The following OPRM1 variants were observed in gnomAD, a reference collection of about 807,000 sequenced individuals.
The protein encoded by OPRM1 is opioid receptor mu 1, also known as mu-type opioid receptor.
A neutral mutation model predicts 31.8 loss-of-function variants in OPRM1; 27 were observed. The ratio of observed to expected loss-of-function variants is 0.85; its 90% CI spans 0.63 to 1.17. The LOEUF (loss-of-function observed/expected upper bound fraction) is 1.17. OPRM1 is among the 50% of genes most tolerant of loss of function. OPRM1 has a pLI of 0.00. For synonymous variants in OPRM1, 196 were observed against 189.9 expected (o/e 1.03, Z -0.26); for missense variants, 536 against 511.1 (o/e 1.05, Z -0.47).
chr6:154,194,861 T>C (rs1329223572), intron 3 of OPRM1, among the ~76,000 whole-genome samples: 1 of 152,164 alleles, frequency 6.6e-6, no homozygotes, highest in African/African-American at 2.4e-5. Flanking sequence ...ATCAATGCCA[T>C]TGATGCCAAT....
intron 3 of OPRM1, among the ~76,000 whole-genome samples, chr6:154,177,223 C>A (rs1314405020): frequency 1.3e-5 from 2 of 152,136 alleles, no homozygotes; most frequent in African/African-American, 2.4e-5. Context: ...AGGACATAGG[C>A]ATGGGCAAAG....
chr6:154,151,128 A>T (rs1456318908), intron 3 of OPRM1, among the ~76,000 whole-genome samples: 1 of 152,186 alleles, frequency 6.6e-6, no homozygotes, highest in Non-Finnish European at 1.5e-5. Context: ...TGGCTCTGCA[A>T]CCAAGGAGCG....
chr6:154,161,571 C>T (rs1799021677), intron 3 of OPRM1, among the ~76,000 whole-genome samples: 1 of 152,148 alleles, frequency 6.6e-6, no homozygotes, highest in African/African-American at 2.4e-5. Context: ...TCCAGGAAAC[C>T]TTCCCTGCAC....
At chr6:154,141,291 A>G (rs73576470) in intron 3 of OPRM1, among the ~76,000 whole-genome samples, 20,946 of 152,226 alleles carry the variant, frequency 0.14, 1,964 homozygotes, top group African/African-American at 0.26. Flanking sequence ...GTGAGTATAA[A>G]TATTCTAACG....
chr6:154,189,693 G>A (rs72999477), intron 3 of OPRM1, among the ~76,000 whole-genome samples: 2,058 of 152,056 alleles, frequency 0.014, 23 homozygotes, highest in South Asian at 0.041. Context: ...ACCGGGCCAG[G>A]CGCGGTGGCT....
chr6:154,093,366 C>T, intron 3 of OPRM1: 1 of 1,614,156 alleles, frequency 6.2e-7, no homozygotes, highest in East Asian at 2.2e-5. Context: ...CAGATATGAC[C>T]TCCCAGCTAT....
At chr6:154,108,905 T>C (rs1438780243) in intron 3 of OPRM1, 2 of 985,038 alleles carry the variant, frequency 2.0e-6, no homozygotes, top group African/African-American at 3.5e-5. Flanking sequence ...GAGAAAAATT[T>C]TAGTCCAAAA....
chr6:154,100,143 A>T (rs1445335009), intron 3 of OPRM1, among the ~76,000 whole-genome samples: 1 of 99,574 alleles, frequency 1.0e-5, no homozygotes, highest in African/African-American at 4.3e-5. Flanking sequence ...TATAATATAT[A>T]TTATCATATT....
At chr6:154,235,871 G>A (rs369015269) in intron 3 of OPRM1, among the ~76,000 whole-genome samples, 21 of 152,270 alleles carry the variant, frequency 1.4e-4, no homozygotes, top group African/African-American at 4.6e-4. Flanking sequence ...TTAGGATGGC[G>A]ACTGTAAATA....
intron 3 of OPRM1, among the ~76,000 whole-genome samples, chr6:154,180,414 A>ATTTTTTTTTT (rs761333730): frequency 4.6e-5 from 3 of 65,270 alleles, no homozygotes; most frequent in African/African-American, 1.4e-4. Context: ...ATATATATAT[A>ATTTTTTTTTT]TTTTTTTTTT....
At chr6:154,199,111 T>C (rs575807521) in intron 3 of OPRM1, among the ~76,000 whole-genome samples, 4 of 152,384 alleles carry the variant, frequency 2.6e-5, no homozygotes, top group Admixed American at 6.5e-5. Flanking sequence ...AAATGTTTTC[T>C]GAACGCATGA....
Position 154,116,855 on chromosome 6 carries a change from C to T in OPRM1, c.1165-1828C>T, listed in dbSNP as rs146373763. ...GCCCCTCTGTCTGCTGATCCAAGCACCCCTGGACTTCTTTCCTTTCTCTCT... is the reference window on the plus strand; with the variant it reads ...GCCCCTCTGTCTGCTGATCCAAGCATCCCTGGACTTCTTTCCTTTCTCTCT... On this transcript the variant is annotated intron_variant, in intron 3 of 3. Coordinates refer to ENST00000330432, the MANE Select transcript of OPRM1 (RefSeq NM_000914.5). 2.6e-5 allele frequency among the ~76,000 whole-genome samples: 4 copies of T among 152,282 alleles called. No individual in the cohort carries two copies. In the East Asian group the frequency reaches 7.7e-4, roughly 29 times the overall value.
chr6:154,010,756 T>C (rs1777681836), exon 1 of OPRM1: 1 of 1,421,616 alleles, frequency 7.0e-7, no homozygotes, highest in Non-Finnish European at 9.2e-7. Context: ...CCCTTTCTCC[T>C]ACAAACAAGA....
intron 3 of OPRM1, among the ~76,000 whole-genome samples, chr6:154,165,714 A>C (rs1799374181): frequency 6.6e-6 from 1 of 152,216 alleles, no homozygotes; most frequent in South Asian, 2.1e-4. Flanking sequence ...AAATGAGATG[A>C]CCCAATGACT....
At position 154,193,452 on chromosome 6, in the gene OPRM1, C is replaced by T. The variant is rs558765408; in HGVS notation, c.1165-53241C>T. Among the ~76,000 whole-genome samples, 16 of 152,260 alleles carry T rather than the reference C, an allele frequency of 1.1e-4. 1 individual carries two copies. The South Asian group carries it at 2.9e-3, about 28-fold the overall frequency. ...AATCTCAGAAATCACCACTGAAGAA[C>T]TCATTCATGTAACCACACAACACCA... On this transcript the variant is annotated intron_variant, in intron 3 of 3. Transcript: ENST00000337049.
At chr6:154,236,576 C>T (rs1197083305) in intron 3 of OPRM1, among the ~76,000 whole-genome samples, 2 of 152,188 alleles carry the variant, frequency 1.3e-5, no homozygotes, top group African/African-American at 4.8e-5. Context: ...AATTTTAAAG[C>T]TACTACTCTG....
chr6:154,030,921 G>A (rs1778974827), intron 1 of OPRM1, among the ~76,000 whole-genome samples: 1 of 148,328 alleles, frequency 6.7e-6, no homozygotes, highest in South Asian at 2.1e-4. Flanking sequence ...TAAATACAAA[G>A]ACAAGTTACA....
At chr6:154,042,312 T>C (rs1780231307) in intron 1 of OPRM1, among the ~76,000 whole-genome samples, 1 of 152,232 alleles carries the variant, frequency 6.6e-6, no homozygotes, top group South Asian at 2.1e-4. Context: ...GGCTGCGGTG[T>C]TTAAACTACA....
intron 1 of OPRM1, chr6:154,087,480 G>GT (rs1790879331): frequency 3.0e-6 from 3 of 985,348 alleles, no homozygotes; most frequent in Non-Finnish European, 3.6e-6. Context: ...GGCTTCAGGT[G>GT]TGGGGTTCTC....
Sources: gnomAD v4.1 joint callset for allele counts (sites outside exome capture counted in the v4.1 genomes callset) on GRCh38, gnomAD v4.1.1 for gene constraint, MANE v1.5 for transcripts, NCBI Gene and HGNC (gene_info 2026-07-23, HGNC 2026-07-21) for gene names.